Variants in PRKCB observed in about 807,000 individuals in gnomAD.
PRKCB encodes protein kinase C beta type.
A neutral mutation model predicts 81.5 loss-of-function variants in PRKCB; 13 were observed. The observed-to-expected ratio is 0.16, with a 90% CI of 0.10 to 0.25. The LOEUF is 0.25. Among genes scored for constraint, PRKCB ranks in the 10% least tolerant of loss-of-function variants. The pLI is 1.00. For missense variants in PRKCB, 509 were observed against 875.7 expected (o/e 0.58, Z 5.29); for synonymous variants, 335 against 321.4 (o/e 1.04, Z -0.45).
intron 5 of PRKCB, among the ~76,000 whole-genome samples, chr16:24,058,814 T>G (rs1276340054): frequency 1.3e-5 from 2 of 152,218 alleles, no homozygotes; most frequent in Admixed American, 1.3e-4. Flanking sequence ...CTGATCTAGT[T>G]ACCATGGGTG....
chr16:23,863,085 T>C (rs1334714847), intron 2 of PRKCB, among the ~76,000 whole-genome samples: 1 of 148,142 alleles, frequency 6.8e-6, no homozygotes, highest in Non-Finnish European at 1.5e-5. Flanking sequence ...ATGATTTATA[T>C]ATATGATTAT....
At chr16:23,847,341 TATCTATCTATC>T (rs1962387178) in intron 2 of PRKCB, among the ~76,000 whole-genome samples, 1 of 72,030 alleles carries the variant, frequency 1.4e-5, no homozygotes, top group Admixed American at 1.3e-4. Flanking sequence ...TCTATCTATC[TATCTATCTATC>T]TATCTATCTA....
intron 2 of PRKCB, among the ~76,000 whole-genome samples, chr16:23,849,466 G>A (rs1042941254): frequency 6.6e-6 from 1 of 152,198 alleles, no homozygotes; most frequent in African/African-American, 2.4e-5. Context: ...TTTAGTGAGT[G>A]CTGCAAATGA....
At chr16:24,057,171 C>T (rs577419447) in intron 5 of PRKCB, among the ~76,000 whole-genome samples, 6 of 152,298 alleles carry the variant, frequency 3.9e-5, no homozygotes, top group African/African-American at 1.4e-4. Flanking sequence ...TCAGACTCTG[C>T]CCTTCTCTGG....
chr16:24,068,096 A>G (rs1237180490), intron 5 of PRKCB, among the ~76,000 whole-genome samples: 1 of 152,024 alleles, frequency 6.6e-6, no homozygotes, highest in Non-Finnish European at 1.5e-5. Flanking sequence ...TTCCACTCCT[A>G]TGGTGTAGAG....
At chr16:24,065,860 T>C (rs1272148199) in intron 5 of PRKCB, among the ~76,000 whole-genome samples, 1 of 152,212 alleles carries the variant, frequency 6.6e-6, no homozygotes, top group Non-Finnish European at 1.5e-5. Flanking sequence ...AAAAAATCTT[T>C]ATTTCACATT....
intron 7 of PRKCB, among the ~76,000 whole-genome samples, chr16:24,108,336 TTTTTTTAA>T (rs1966606825): frequency 2.0e-5 from 3 of 148,028 alleles, no homozygotes; most frequent in African/African-American, 7.6e-5. Flanking sequence ...TTATTTTATT[TTTTTTTAA>T]ATTTATTTAT....
At chr16:24,029,680 A>G (rs142516699) in intron 3 of PRKCB, among the ~76,000 whole-genome samples, 60 of 152,332 alleles carry the variant, frequency 3.9e-4, no homozygotes, top group Admixed American at 1.5e-3. Context: ...AGCACATAAA[A>G]GAATATCTAT....
At chr16:24,137,804 C>T in intron 9 of PRKCB, among the ~76,000 whole-genome samples, 1 of 152,302 alleles carries the variant, frequency 6.6e-6, no homozygotes. Flanking sequence ...GGATTGTAAT[C>T]ATCCAACACC....
chr16:24,137,679 T>C (rs772733723), intron 9 of PRKCB, among the ~76,000 whole-genome samples: 7 of 152,218 alleles, frequency 4.6e-5, no homozygotes, highest in Non-Finnish European at 7.4e-5. Flanking sequence ...ATCTCAACTT[T>C]ATCTCTATGT....
intron 5 of PRKCB, among the ~76,000 whole-genome samples, chr16:24,053,874 G>T (rs1321317522): frequency 6.6e-6 from 1 of 152,226 alleles, no homozygotes; most frequent in Non-Finnish European, 1.5e-5. Context: ...AGAGGCAGCT[G>T]CTGAGGGCTA....
At chr16:24,203,929 G>A (rs775308216) in intron 16 of PRKCB, among the ~76,000 whole-genome samples, 1 of 152,004 alleles carries the variant, frequency 6.6e-6, no homozygotes. Flanking sequence ...GCTTCCTGCC[G>A]TGATGCACCA....
intron 2 of PRKCB, among the ~76,000 whole-genome samples, chr16:23,976,813 G>A (rs188795113): frequency 1.3e-5 from 2 of 152,304 alleles, no homozygotes; most frequent in Non-Finnish European, 2.9e-5. Flanking sequence ...CACCCAAACA[G>A]GAAGGATGTC....
intron 2 of PRKCB, among the ~76,000 whole-genome samples, chr16:23,983,363 A>G (rs765857262): frequency 2.6e-5 from 4 of 152,180 alleles, no homozygotes; most frequent in Non-Finnish European, 4.4e-5. Flanking sequence ...TTCTCTGCAC[A>G]TCATGCTGGG....
At chr16:23,865,188 G>T (rs894966973) in intron 2 of PRKCB, among the ~76,000 whole-genome samples, 1 of 151,662 alleles carries the variant, frequency 6.6e-6, no homozygotes, top group Non-Finnish European at 1.5e-5. Context: ...AGAGGAAATG[G>T]GTAAATTTCC....
At chr16:23,888,969 C>T (rs891872848) in intron 2 of PRKCB, among the ~76,000 whole-genome samples, 20 of 152,100 alleles carry the variant, frequency 1.3e-4, no homozygotes, top group Admixed American at 3.9e-4. Flanking sequence ...GACCTGCAAG[C>T]GTGTGAGTCT....
intron 16 of PRKCB, among the ~76,000 whole-genome samples, chr16:24,203,502 T>C (rs751134879): frequency 4.6e-5 from 7 of 152,102 alleles, no homozygotes; most frequent in African/African-American, 7.2e-5. Flanking sequence ...CACTGTTGCA[T>C]TGGGGATTAA....
intron 5 of PRKCB, among the ~76,000 whole-genome samples, chr16:24,046,558 G>A (rs1303163825): frequency 6.6e-6 from 1 of 152,212 alleles, no homozygotes; most frequent in Non-Finnish European, 1.5e-5. Context: ...GCAGGAGGGA[G>A]CCAGCTTGCT....
chr16:24,020,622 G>A (rs1056446728), intron 3 of PRKCB, among the ~76,000 whole-genome samples: 5 of 152,174 alleles, frequency 3.3e-5, no homozygotes, highest in Non-Finnish European at 5.9e-5. Flanking sequence ...AGAGACTCAG[G>A]GTGGTTAAGT....
Sources: allele counts gnomAD v4.1 joint callset (sites outside exome capture counted in the v4.1 genomes callset), GRCh38; gene constraint gnomAD v4.1.1; transcripts MANE v1.5; gene names NCBI Gene and HGNC (gene_info 2026-07-23, HGNC 2026-07-21).